The following NAALADL2 variants were observed in gnomAD, a reference collection of about 807,000 sequenced individuals.
NAALADL2 encodes the protein N-acetylated alpha-linked acidic dipeptidase like 2, also known as inactive N-acetylated-alpha-linked acidic dipeptidase-like protein 2.
A neutral mutation model predicts 87.2 loss-of-function variants in NAALADL2; 76 were observed. That is an observed-to-expected ratio of 0.87 (90% CI 0.72 to 1.05). The LOEUF (loss-of-function observed/expected upper bound fraction) is 1.05. Among genes scored for constraint, NAALADL2 ranks in the 50% least tolerant of loss-of-function variants. The probability of loss-of-function intolerance (pLI) is 0.00; values close to 1 mark genes in which losing one functional copy is unlikely to be tolerated. For missense variants in NAALADL2, 1,089 were observed against 945.8 expected, an observed-to-expected ratio of 1.15 and a Z score of -1.99; for synonymous variants, 354 against 331.0, an observed-to-expected ratio of 1.07 and a Z score of -0.75.
At chr3:175,491,750 G>T (rs1728129546) in intron 9 of NAALADL2, among the ~76,000 whole-genome samples, 1 of 152,078 alleles carries the variant, frequency 6.6e-6, no homozygotes, top group Non-Finnish European at 1.5e-5. Context: ...TACCTGAGAG[G>T]CTATAGAGAG....
intron 1 of NAALADL2, among the ~76,000 whole-genome samples, chr3:174,932,742 T>C (rs1295260448): frequency 6.6e-6 from 1 of 152,192 alleles, no homozygotes; most frequent in Non-Finnish European, 1.5e-5. Context: ...TTCCCAAGAT[T>C]TAGTTTTGTG....
intron 1 of NAALADL2, among the ~76,000 whole-genome samples, chr3:174,867,604 G>GA (rs1023065882): frequency 6.6e-6 from 1 of 151,806 alleles, no homozygotes; most frequent in Non-Finnish European, 1.5e-5. Flanking sequence ...AATATGCTCA[G>GA]AAAAAAAGCA....
intron 1 of NAALADL2, among the ~76,000 whole-genome samples, chr3:174,978,231 ATGG>A (rs1744630023): frequency 6.6e-6 from 1 of 152,240 alleles, no homozygotes; most frequent in African/African-American, 2.4e-5. Flanking sequence ...TTTAGAAAAC[ATGG>A]TGGAGTTGAA....
At chr3:175,231,307 G>T (rs1032495211) in intron 2 of NAALADL2, among the ~76,000 whole-genome samples, 2 of 151,810 alleles carry the variant, frequency 1.3e-5, no homozygotes, top group African/African-American at 2.4e-5. Context: ...TTCATAACCT[G>T]GGTGGTTCCT....
At chr3:175,051,491 C>T (rs1419671397) in intron 1 of NAALADL2, among the ~76,000 whole-genome samples, 2 of 152,156 alleles carry the variant, frequency 1.3e-5, no homozygotes, top group East Asian at 3.9e-4. Flanking sequence ...AGCCTCTCAG[C>T]TCCTAGAGGT....
intron 3 of NAALADL2, among the ~76,000 whole-genome samples, chr3:174,774,417 C>T (rs943644438): frequency 6.6e-6 from 1 of 152,144 alleles, no homozygotes; most frequent in Non-Finnish European, 1.5e-5. Flanking sequence ...GAGGGGACCC[C>T]TTAGAGTTGG....
intron 1 of NAALADL2, among the ~76,000 whole-genome samples, chr3:174,896,726 T>C (rs1331566431): frequency 6.6e-6 from 1 of 152,134 alleles, no homozygotes; most frequent in African/African-American, 2.4e-5. Context: ...AAAGCTCTCT[T>C]AAGCAAAAAT....
At position 175,086,495 on chromosome 3, in the gene NAALADL2, A is replaced by T. The variant is rs568766532; in HGVS notation, c.44-10295A>T. Among the ~76,000 whole-genome samples the T allele has an allele frequency of 1.2e-4, 19 of 152,276 alleles. No individual in the cohort carries two copies. The East Asian group carries it at 3.3e-3, about 26-fold the overall frequency. On this transcript the variant is annotated intron_variant, in intron 1 of 13. Transcript: ENST00000454872. ...ATTTGACATTTTAAAATTAAAGGTT[A>T]GATGAATTCTAAAAATTTTGCATAC...
At position 175,463,511 on chromosome 3, in the gene NAALADL2, T is replaced by G. The variant is rs1201218599; in HGVS notation, c.1327+18T>G. 1 of 1,341,322 alleles carries G rather than the reference T, an allele frequency of 7.5e-7. No individual in the cohort carries two copies. Among genetic ancestry groups the G allele is most frequent in the Admixed American group, 1.9e-5 (1 of 53,676 alleles). The allele number at this position is 1,341,322 out of a possible 1,614,324, so 83.1% of individuals were successfully genotyped here. ...ATCTCCAGGTAAGTAGGGTTGAAAA[T>G]TTATAATCTACACTTTATATGAAAC... On this transcript the variant is annotated intron_variant, in intron 7 of 13. Coordinates refer to ENST00000454872, the MANE Select transcript of NAALADL2 (RefSeq NM_207015.3).
intron 8 of NAALADL2, among the ~76,000 whole-genome samples, chr3:175,468,681 A>G (rs1724441962): frequency 6.6e-6 from 1 of 152,018 alleles, no homozygotes; most frequent in Non-Finnish European, 1.5e-5. Flanking sequence ...AAATTAAAAT[A>G]TATATTTCTG....
intron 12 of NAALADL2, among the ~76,000 whole-genome samples, chr3:175,754,330 C>A (rs9876798): frequency 2.0e-5 from 3 of 151,968 alleles, no homozygotes; most frequent in African/African-American, 7.3e-5. Context: ...TAGAGTTCAG[C>A]GGACAACTAT....
intron 11 of NAALADL2, among the ~76,000 whole-genome samples, chr3:175,670,386 C>A (rs1358146838): frequency 8.0e-5 from 1 of 12,542 alleles, no homozygotes; most frequent in Non-Finnish European, 2.4e-4. Context: ...AAAATTATAA[C>A]ATTTAATTAT....
chr3:174,797,705 A>T (rs1208491419), intron 3 of NAALADL2, among the ~76,000 whole-genome samples: 1 of 151,946 alleles, frequency 6.6e-6, no homozygotes, highest in Non-Finnish European at 1.5e-5. Flanking sequence ...GGATTTTAGG[A>T]TTGTGTTGAT....
intron 9 of NAALADL2, among the ~76,000 whole-genome samples, chr3:175,502,082 A>C (rs530162390): frequency 6.6e-6 from 1 of 152,240 alleles, no homozygotes; most frequent in South Asian, 2.1e-4. Flanking sequence ...AAATAAAAGC[A>C]CATTGTGGGG....
chr3:174,509,404 C>CTTTTTT (rs34028719), intron 1 of NAALADL2, among the ~76,000 whole-genome samples: 1 of 106,904 alleles, frequency 9.4e-6, no homozygotes. Flanking sequence ...TCCTTTCTTT[C>CTTTTTT]TTTTTTTTTT....
intron 2 of NAALADL2, among the ~76,000 whole-genome samples, chr3:175,106,066 A>G (rs1723103755): frequency 2.6e-5 from 4 of 151,962 alleles, no homozygotes; most frequent in South Asian, 2.1e-4. Context: ...AGTTCAAAGG[A>G]TTCCATCTCT....
At chr3:175,416,956 A>G (rs192517776) in intron 5 of NAALADL2, among the ~76,000 whole-genome samples, 9 of 151,960 alleles carry the variant, frequency 5.9e-5, no homozygotes, top group Middle Eastern at 3.4e-3. Flanking sequence ...AATAATTAAA[A>G]AATGTAATAT....
At position 175,295,226 on chromosome 3, in the gene NAALADL2, G is replaced by A. The variant is rs77802334; in HGVS notation, c.940-28949G>A. ...CCTGTATGTTCAAAGAGAGTTTCCA[G>A]TTCTTCATCCTACAGAGGACTAGCG... On this transcript the variant is annotated intron_variant, in intron 4 of 13. Coordinates refer to ENST00000454872, the MANE Select transcript of NAALADL2 (RefSeq NM_207015.3). Among the ~76,000 whole-genome samples, 1,509 of 152,220 alleles carry A rather than the reference G, an allele frequency of 9.9e-3. 29 individuals are homozygous for A. Among genetic ancestry groups the A allele is most frequent in the African/African-American group, 0.034 (1,417 of 41,530 alleles).
chr3:175,277,775 A>C (rs1198449796), intron 4 of NAALADL2, among the ~76,000 whole-genome samples: 1 of 152,144 alleles, frequency 6.6e-6, no homozygotes, highest in Non-Finnish European at 1.5e-5. Flanking sequence ...TTAGCTGCTA[A>C]AAGATACCAT....
Sources: allele counts gnomAD v4.1 joint callset (sites outside exome capture counted in the v4.1 genomes callset), GRCh38; gene constraint gnomAD v4.1.1; transcripts MANE v1.5; gene names NCBI Gene and HGNC (gene_info 2026-07-23, HGNC 2026-07-21).